SPAG17: variants seen among roughly 807,000 people sequenced by gnomAD.
SPAG17 encodes the protein sperm associated antigen 17.
In SPAG17, 169 loss-of-function variants were observed where a neutral mutation model predicts 273.6. The observed-to-expected ratio is 0.62, with a 90% CI of 0.55 to 0.70. SPAG17 has a LOEUF of 0.70. SPAG17 is among the 30% of genes least tolerant of loss of function. SPAG17 has a pLI of 0.00. For missense variants in SPAG17, 2,557 were observed against 2,627.8 expected (o/e 0.97, Z 0.59); for synonymous variants, 825 against 873.2 (o/e 0.94, Z 0.97).
rs1055452670 is a variant in SPAG17, at chr1:118,106,938, C to A, written c.448-5012G>T. Among the ~76,000 whole-genome samples the A allele has an allele frequency of 1.4e-4, 21 of 152,120 alleles. 1 individual carries two copies. Among genetic ancestry groups the A allele is most frequent in the Non-Finnish European group, 2.4e-4 (16 of 68,022 alleles). On this transcript the variant is annotated intron_variant, in intron 4 of 48. Transcript: ENST00000336338. ...GGAGTTCTAGAAGCTCAGGAACTCT[C>A]TGGCCCTTTCTTCTATTTGGTTCTT... is the stretch of plus-strand genomic sequence containing the variant.
intron 20 of SPAG17, among the ~76,000 whole-genome samples, chr1:118,045,049 G>A (rs1650193318): frequency 6.6e-6 from 1 of 152,170 alleles, no homozygotes; most frequent in South Asian, 2.1e-4. Context: ...TAATGAGTAA[G>A]GGCAAAATAA....
At chr1:118,123,788 AAAGTTGG>A (rs1416850273) in intron 3 of SPAG17, among the ~76,000 whole-genome samples, 2 of 152,222 alleles carry the variant, frequency 1.3e-5, no homozygotes, top group Admixed American at 1.3e-4. Flanking sequence ...AGACTACATA[AAAGTTGG>A]TAACATAATA....
chr1:118,068,524 G>T (rs1004893613), intron 17 of SPAG17, among the ~76,000 whole-genome samples: 13 of 152,036 alleles, frequency 8.6e-5, no homozygotes, highest in African/African-American at 1.4e-4. Flanking sequence ...TGCTTTGGGG[G>T]TGCTAAAAAT....
chr1:118,138,853 G>T lies in SPAG17; in HGVS notation c.315+11690C>A, dbSNP rs143161980. ...ATCAGCACTGAGTTAGGCACATAAG[G>T]ATACAAAAAATGAAAAATACACTAA... On this transcript the variant is annotated intron_variant, in intron 3 of 48. Transcript: ENST00000336338. 2.9e-4 allele frequency among the ~76,000 whole-genome samples: 44 copies of T among 152,142 alleles called. 1 individual carries two copies. In the East Asian group the frequency reaches 7.9e-3, roughly 27 times the overall value.
At chr1:117,954,647 G>A (rs1234182863) in intron 48 of SPAG17, 14 of 1,606,670 alleles carry the variant, frequency 8.7e-6, no homozygotes, top group Non-Finnish European at 1.2e-5. Flanking sequence ...ATGTCTAACG[G>A]TTTTCCTTTG....
At chr1:118,083,795 A>G (rs1654785775) in intron 13 of SPAG17, among the ~76,000 whole-genome samples, 1 of 152,012 alleles carries the variant, frequency 6.6e-6, no homozygotes, top group Admixed American at 6.6e-5. Flanking sequence ...AAAAAACAAA[A>G]ACAAAAACAG....
intron 1 of SPAG17, among the ~76,000 whole-genome samples, chr1:118,157,259 A>C (rs570369394): frequency 4.4e-4 from 67 of 152,318 alleles, no homozygotes; most frequent in Middle Eastern, 6.8e-3. Flanking sequence ...GCTGTCTCAG[A>C]GAAAATATTA....
chr1:118,101,063 T>G (rs1656035194), intron 5 of SPAG17, among the ~76,000 whole-genome samples: 1 of 152,230 alleles, frequency 6.6e-6, no homozygotes, highest in East Asian at 1.9e-4. Flanking sequence ...CAACTGGCTA[T>G]CTCAGCCTTT....
Position 118,109,556 on chromosome 1 carries a change from A to AAATAATAAT in SPAG17, c.447+5745_447+5753dup, listed in dbSNP as rs10589035. Among the ~76,000 whole-genome samples the AAATAATAAT allele has an allele frequency of 9.2e-3, 1,293 of 141,262 alleles. 13 individuals carry two copies. The highest frequency in any genetic ancestry group is 0.026 in the African/African-American group (1,012 of 38,480). 92.7% of individuals were successfully genotyped at this position (141,262 alleles called of 152,430 possible). On this transcript the variant is annotated intron_variant, in intron 4 of 48. Coordinates refer to ENST00000336338, the MANE Select transcript of SPAG17 (RefSeq NM_206996.4). The stretch of plus-strand genomic sequence containing the variant: ...GGCAACAGAGTGAAACTCTGTCTCA[A>AAATAATAAT]AATAATAATAATAATAATAATAATA...
Position 118,099,651 on chromosome 1 carries a change from G to C in SPAG17, c.784C>G (p.Leu262Val), listed in dbSNP as rs1376166556. 2 of 1,614,072 alleles carry C rather than the reference G, an allele frequency of 1.2e-6. No homozygotes were observed. Among genetic ancestry groups the C allele is most frequent in the African/African-American group, 1.3e-5 (1 of 75,046 alleles). The change falls in exon 6 of 49, where the codon CTG becomes GTG. Residue 262 changes from leucine (L) to valine (V), a missense_variant. By Grantham distance (32) the Leu-to-Val change is conservative. Coordinates refer to ENST00000336338, the MANE Select transcript of SPAG17 (RefSeq NM_206996.4). ...TCCTGCTGCTGGTTAACTGCTGCCA[G>C]GTGTGTCTGCAGAGGTTCATAATTC... ...SENYEPLQTH[L>V]AAVNQQQEVL... is the part of the protein sequence containing the mutation.
At position 118,122,153 on chromosome 1, in the gene SPAG17, CTGTG is replaced by C. The variant is rs34125128; in HGVS notation, c.316-6716_316-6713del. ...ATTGCCCCAATGTGTGTCTGTGTGT[CTGTG>C]TGTGTGTGTGTGTGTGTGTGTGTTT... On this transcript the variant is annotated intron_variant, in intron 3 of 48. Coordinates refer to ENST00000336338, the MANE Select transcript of SPAG17 (RefSeq NM_206996.4). Among the ~76,000 whole-genome samples, 147 of 149,068 alleles carry C rather than the reference CTGTG, an allele frequency of 9.9e-4. 1 individual carries two copies. Among genetic ancestry groups the C allele is most frequent in the African/African-American group, 2.5e-3 (101 of 40,714 alleles).
chr1:117,974,566 C>CTA lies in SPAG17; in HGVS notation c.6005-1007_6005-1006dup, dbSNP rs771739041. ...CCCAAGCATTTCTTTGATTCTACTA[C>CTA]TATATTCATAGTTTTAAAAAGTGGT... On this transcript the variant is annotated intron_variant, in intron 43 of 48. Transcript: ENST00000336338. 8.8e-4 allele frequency among the ~76,000 whole-genome samples: 134 copies of CTA among 152,116 alleles called. 1 individual carries two copies. Among genetic ancestry groups the CTA allele is most frequent in the South Asian group, 1.9e-3 (9 of 4,826 alleles).
intron 4 of SPAG17, among the ~76,000 whole-genome samples, chr1:118,106,385 C>T (rs1433015845): frequency 2.0e-5 from 3 of 152,136 alleles, no homozygotes; most frequent in African/African-American, 7.2e-5. Context: ...GTTGTTCAAA[C>T]TCAAAGCTAA....
intron 18 of SPAG17, among the ~76,000 whole-genome samples, chr1:118,060,976 T>A (rs1392535275): frequency 6.6e-6 from 1 of 152,156 alleles, no homozygotes; most frequent in African/African-American, 2.4e-5. Flanking sequence ...GACTTGCAGA[T>A]CAAAATGACA....
chr1:118,161,349 G>A (rs1373308994), intron 1 of SPAG17, among the ~76,000 whole-genome samples: 1 of 152,132 alleles, frequency 6.6e-6, no homozygotes, highest in African/African-American at 2.4e-5. Flanking sequence ...TAAGGAAAAT[G>A]AGGTCAGACC....
intron 4 of SPAG17, among the ~76,000 whole-genome samples, chr1:118,114,680 G>A (rs982248751): frequency 1.3e-5 from 2 of 152,112 alleles, no homozygotes; most frequent in Non-Finnish European, 2.9e-5. Flanking sequence ...GGTAGCACAT[G>A]GATGTGAACC....
chr1:117,974,329 C>A (rs1371974957), intron 43 of SPAG17, among the ~76,000 whole-genome samples: 1 of 152,060 alleles, frequency 6.6e-6, no homozygotes, highest in Non-Finnish European at 1.5e-5. Context: ...CTGGTCCTCA[C>A]AACAACCGTA....
intron 31 of SPAG17, among the ~76,000 whole-genome samples, chr1:118,007,820 C>A (rs1388848223): frequency 6.6e-6 from 1 of 152,152 alleles, no homozygotes; most frequent in African/African-American, 2.4e-5. Flanking sequence ...TCCAAAACTA[C>A]CGAAGTTTTG....
intron 18 of SPAG17, among the ~76,000 whole-genome samples, chr1:118,061,789 C>T (rs1184401169): frequency 6.6e-6 from 1 of 151,856 alleles, no homozygotes; most frequent in Non-Finnish European, 1.5e-5. Context: ...AATTATACCT[C>T]AATAAAGCTA....
Sources: allele counts gnomAD v4.1 joint callset (sites outside exome capture counted in the v4.1 genomes callset), GRCh38; gene constraint gnomAD v4.1.1; transcripts MANE v1.5; gene names NCBI Gene and HGNC (gene_info 2026-07-23, HGNC 2026-07-21).